Variants in MYO1F observed in about 807,000 individuals in gnomAD.
MYO1F encodes the protein myosin IF, also known as unconventional myosin-If.
A neutral mutation model predicts 146.6 loss-of-function variants in MYO1F; 60 were observed. The observed-to-expected ratio is 0.41, with a 90% CI of 0.33 to 0.51. MYO1F has a LOEUF of 0.51. MYO1F is among the 20% of genes least tolerant of loss of function. The pLI is 0.25. For synonymous variants in MYO1F, 602 were observed against 602.1 expected (o/e 1.00, Z 0.00); for missense variants, 1,274 against 1,534.3 (o/e 0.83, Z 2.83).
At chr19:8,553,070 TGTGG>T in intron 6 of MYO1F, 65 bp downstream of exon 6, 1 of 1,393,308 alleles carries the variant, frequency 7.2e-7, no homozygotes, top group Non-Finnish European at 1.0e-6. Flanking sequence ...TGTGTGTATG[TGTGG>T]GTGTGTGTGT....
At position 8,577,022 on chromosome 19, in the gene MYO1F, G is replaced by A; in HGVS notation, c.3+285C>T. 2 of 592,130 alleles carry A rather than the reference G, an allele frequency of 3.4e-6. No individual in the cohort carries two copies. The highest frequency in any genetic ancestry group is 6.0e-6 in the Non-Finnish European group (2 of 332,468). 36.7% of individuals were successfully genotyped at this position (592,130 alleles called of 1,614,324 possible). A position where few individuals can be genotyped will look rare whatever the true frequency, so the allele number is the denominator to read the frequency against. ...CAAAGGAGGCTATGTCCTTGTCCCTGCAGACTCTGTGATTCTCCCTGGGCC... is the reference window on the plus strand; with the variant it reads ...CAAAGGAGGCTATGTCCTTGTCCCTACAGACTCTGTGATTCTCCCTGGGCC... On this transcript the variant is annotated intron_variant, in intron 1 of 27. Transcript: ENST00000644032. This position sits in a 1 kb window ranked among gnomAD's most constrained non-coding sequence, Gnocchi z 4.3.
In MYO1F at chr19:8,523,124, T is replaced by C. The variant is rs570164828; in HGVS notation, c.2855-295A>G. 1.6e-3 allele frequency among the ~76,000 whole-genome samples: 243 copies of C among 151,520 alleles called. 1 individual carries two copies. Among genetic ancestry groups the C allele is most frequent in the African/African-American group, 3.6e-3 (150 of 41,304 alleles). The stretch of plus-strand genomic sequence containing the variant: ...TCGGCTCACTGCAAGCTCCGCCTCC[T>C]GGGTTCACGCCATTCTCCTGCCTCA... On this transcript the variant is annotated intron_variant, in intron 25 of 27. Transcript: ENST00000644032.
At chr19:8,537,176 A>G (rs1972764736) in intron 16 of MYO1F, 121 bp from the exon 17 acceptor site, 1 of 710,128 alleles carries the variant, frequency 1.4e-6, no homozygotes, top group Non-Finnish European at 2.5e-6. Context: ...AGGGCTGGTA[A>G]CAGATAAGCC....
chr19:8,542,301 G>T (rs538120102), intron 14 of MYO1F, among the ~76,000 whole-genome samples: 112 of 145,026 alleles, frequency 7.7e-4, no homozygotes, highest in African/African-American at 2.8e-3. Flanking sequence ...TGCATCAGAG[G>T]CCGGGGGGCG....
intron 1 of MYO1F, among the ~76,000 whole-genome samples, chr19:8,566,325 G>A (rs986842514): frequency 6.6e-5 from 10 of 150,732 alleles, no homozygotes; most frequent in African/African-American, 2.4e-4. Context: ...CCACGGCCAT[G>A]CCCAGCTAAT....
Position 8,526,930 on chromosome 19 carries a change from C to G in MYO1F, c.2480G>C (p.Arg827Pro). ...QALRGVSLST[R>P]QDDFFILQED... ...TTGGAGGATGAAGAAGTCGTCCTGTCGCGTGCTGGGGAGGGGCGGGTGAGA... is the reference window on the plus strand; with the variant it reads ...TTGGAGGATGAAGAAGTCGTCCTGTGGCGTGCTGGGGAGGGGCGGGTGAGA... The change falls in exon 23 of 28, where the codon CGA (arginine) becomes CCA (proline). Residue 827 changes from arginine (R) to proline (P), a missense_variant. By Grantham distance (103) the Arg-to-Pro change is moderately radical (BLOSUM62 -2). Around this residue, in one of 2 missense-constraint regions of MYO1F, gnomAD observed 900 missense variants for 1,155.1 expected, o/e 0.78. Coordinates refer to ENST00000644032, the MANE Select transcript of MYO1F (RefSeq NM_012335.4). 2 of 1,613,666 alleles carry G rather than the reference C, an allele frequency of 1.2e-6. No individual in the cohort carries two copies. Among genetic ancestry groups the G allele is most frequent in the Non-Finnish European group, 1.7e-6 (2 of 1,179,912 alleles).
Position 8,536,297 on chromosome 19 carries a change from C to T in MYO1F, c.1998G>A (p.Gln666=). 1 of 1,608,288 alleles carries T rather than the reference C, an allele frequency of 6.2e-7. No homozygotes were observed. The change falls in exon 19 of 28, where the codon CAG becomes CAA. Residue 666 remains glutamine (Q), a synonymous_variant. Transcript: ENST00000644032. ...LLRAVNMEPD[Q]YQMGSTKVFV... ...AGACCTTGGTGCTCCCCATCTGGTACTGGTCGGGCTCCATGTTGACCGCCC... is the reference window on the plus strand; with the variant it reads ...AGACCTTGGTGCTCCCCATCTGGTATTGGTCGGGCTCCATGTTGACCGCCC...
Position 8,531,842 on chromosome 19 carries a change from G to A in MYO1F, c.2044-1269C>T, listed in dbSNP as rs147806445. ...ACAGTAAATATGAAAATGTGGCCGG[G>A]TGCAGTGGCTCAAGCCTGTAATCCC... On this transcript the variant is annotated intron_variant, in intron 19 of 27. Transcript: ENST00000644032. 5.4e-3 allele frequency among the ~76,000 whole-genome samples: 813 copies of A among 151,886 alleles called. 9 individuals are homozygous for A. The highest frequency in any genetic ancestry group is 0.017 in the African/African-American group (706 of 41,548).
chr19:8,547,962 C>T (rs1167885709), intron 12 of MYO1F, 74 bp downstream of exon 12: 4 of 1,472,526 alleles, frequency 2.7e-6, no homozygotes, highest in Non-Finnish European at 3.8e-6. Context: ...CCCCTAGTTG[C>T]TAAGGGATCC....
intron 19 of MYO1F, 79 bp downstream of exon 19, chr19:8,536,173 C>T: frequency 1.3e-6 from 2 of 1,527,308 alleles, no homozygotes; most frequent in East Asian, 2.3e-5. Flanking sequence ...CTCTGTCTCT[C>T]TCTCTCTCTC....
chr19:8,555,533 C>G lies in MYO1F; in HGVS notation c.141+126G>C. The G allele has an allele frequency of 2.2e-6, 3 of 1,338,838 alleles. No homozygotes were observed. In the South Asian group the frequency reaches 3.7e-5, roughly 16 times the overall value. 82.9% of individuals were successfully genotyped at this position (1,338,838 alleles called of 1,614,324 possible). On this transcript the variant is annotated intron_variant, in intron 2 of 27. Transcript: ENST00000644032. The stretch of plus-strand genomic sequence containing the variant: ...GAGCCCTGCTGTCACTCTGTCTGTC[C>G]TCTGTGTCACCACTTGGTGCTCTCC...
At chr19:8,550,070 G>T in intron 10 of MYO1F, 90 bp downstream of exon 10, 2 of 1,442,866 alleles carry the variant, frequency 1.4e-6, no homozygotes, top group Non-Finnish European at 1.9e-6. Flanking sequence ...AAAGCATTGG[G>T]ATTGCAGCCG....
intron 21 of MYO1F, among the ~76,000 whole-genome samples, chr19:8,528,391 G>A (rs1441880714): frequency 6.6e-6 from 1 of 151,972 alleles, no homozygotes; most frequent in African/African-American, 2.4e-5. Flanking sequence ...AGCTGGGCGT[G>A]GTGGCACATG....
At chr19:8,522,945 G>T in intron 25 of MYO1F, 116 bp from the exon 26 acceptor site, 1 of 932,316 alleles carries the variant, frequency 1.1e-6, no homozygotes. Flanking sequence ...TCAACCCAGT[G>T]TGGTAAGGAT....
At chr19:8,570,772 C>T (rs1279432580) in intron 1 of MYO1F, among the ~76,000 whole-genome samples, 8 of 151,834 alleles carry the variant, frequency 5.3e-5, no homozygotes, top group Non-Finnish European at 1.0e-4. Flanking sequence ...CCTCCCAAAG[C>T]GCTGGAATTA....
At chr19:8,543,450 T>TG (rs976519786) in intron 14 of MYO1F, among the ~76,000 whole-genome samples, 2 of 146,584 alleles carry the variant, frequency 1.4e-5, no homozygotes, top group Admixed American at 1.4e-4. Flanking sequence ...GATCAGAAGG[T>TG]GGGGGGCTGT....
At chr19:8,556,184 A>G (rs1973846296) in intron 1 of MYO1F, among the ~76,000 whole-genome samples, 1 of 151,124 alleles carries the variant, frequency 6.6e-6, no homozygotes, top group African/African-American at 2.4e-5. Context: ...GCCCACCACC[A>G]TGCCCGGCTA....
At chr19:8,523,132 C>T (rs369249121) in intron 25 of MYO1F, among the ~76,000 whole-genome samples, 20 of 151,168 alleles carry the variant, frequency 1.3e-4, no homozygotes, top group East Asian at 1.9e-4. Context: ...CCTGGGTTCA[C>T]GCCATTCTCC....
At chr19:8,531,079 G>A (rs1001706164) in intron 19 of MYO1F, among the ~76,000 whole-genome samples, 4 of 151,514 alleles carry the variant, frequency 2.6e-5, no homozygotes, top group African/African-American at 9.7e-5. Flanking sequence ...AAAAGCTGGT[G>A]GCTCATGCCT....
Sources: gnomAD v4.1 joint callset for allele counts (sites outside exome capture counted in the v4.1 genomes callset) on GRCh38, gnomAD v4.1.1 for gene constraint, gnomAD v4.1.1 regional missense constraint, Gnocchi (gnomAD v3.1) non-coding constraint, MANE v1.5 for transcripts, NCBI Gene and HGNC (gene_info 2026-07-23, HGNC 2026-07-21) for gene names.